The following ZNF705B variants were observed in gnomAD, a reference collection of about 807,000 sequenced individuals.
ZNF705B encodes the protein Putative zinc finger protein 705D-like protein LOC100132396.
ZNF705B carries 1 observed loss-of-function variant against 10.5 expected under a neutral mutation model. The ratio of observed to expected loss-of-function variants is 0.10; its 90% confidence interval spans 0.03 to 0.45. The LOEUF is 0.45. ZNF705B is among the 20% of genes least tolerant of loss of function. The pLI is 0.97. For missense variants in ZNF705B, 14 were observed against 84.0 expected, an observed-to-expected ratio of 0.17 and a Z score of 3.26; for synonymous variants, 4 against 25.4, an observed-to-expected ratio of 0.16 and a Z score of 2.53.
chr8:7,934,721 T>TGTGTGTGTGTGTGTGTGTGTG (rs1211087723), intron 2 of ZNF705B: 5 of 108,862 alleles, frequency 4.6e-5, no homozygotes, highest in African/African-American at 5.7e-5. Flanking sequence ...TGTGTGTGTG[T>TGTGTGTGTGTGTGTGTGTGTG]TATTTGATTT....
intron 2 of ZNF705B, among the ~76,000 whole-genome samples, chr8:7,931,118 G>T (rs1335693915): frequency 1.7e-5 from 2 of 121,116 alleles, no homozygotes; most frequent in African/African-American, 2.5e-5. Flanking sequence ...CTTCCAAAGT[G>T]CTAGGATTAC....
chr8:7,933,929 C>CTTTT (rs1162997944), intron 2 of ZNF705B, among the ~76,000 whole-genome samples: 12 of 29,364 alleles, frequency 4.1e-4, no homozygotes, highest in African/African-American at 8.6e-4. Context: ...GTAATATAAA[C>CTTTT]TTTTTTTTTT....
chr8:7,936,707 T>C (rs1171272213), intron 2 of ZNF705B, among the ~76,000 whole-genome samples: 2 of 117,632 alleles, frequency 1.7e-5, no homozygotes, highest in African/African-American at 5.2e-5. Flanking sequence ...ACAAGAGAGA[T>C]TGGGTCTTAC....
chr8:7,936,868 A>T (rs1281086353), intron 2 of ZNF705B, among the ~76,000 whole-genome samples: 1 of 119,634 alleles, frequency 8.4e-6, no homozygotes, highest in African/African-American at 2.6e-5. Context: ...TCTAAAATAA[A>T]GGTTGAAGTT....
intron 1 of ZNF705B, among the ~76,000 whole-genome samples, chr8:7,929,106 G>C (rs551726495): frequency 2.8e-4 from 34 of 121,546 alleles, no homozygotes; most frequent in African/African-American, 8.0e-4. Context: ...AAAGAAGAGA[G>C]AGAATTTAAC....
intron 2 of ZNF705B, among the ~76,000 whole-genome samples, chr8:7,932,193 G>A (rs1452227476): frequency 8.3e-6 from 1 of 121,152 alleles, no homozygotes; most frequent in African/African-American, 2.5e-5. Context: ...GTCCACAGTG[G>A]GAATATGGAC....
chr8:7,941,039 A>C (rs1253157506), intron 2 of ZNF705B, among the ~76,000 whole-genome samples: 1 of 149,422 alleles, frequency 6.7e-6, no homozygotes, highest in Admixed American at 6.7e-5. Context: ...TTATGGCTGC[A>C]TAGTATTCCA....
chr8:7,930,039 T>A (rs1819799001), intron 1 of ZNF705B, among the ~76,000 whole-genome samples: 2 of 104,628 alleles, frequency 1.9e-5, no homozygotes, highest in South Asian at 7.1e-4. Context: ...ATTTGTTACA[T>A]GGGAATATGG....
intron 1 of ZNF705B, among the ~76,000 whole-genome samples, chr8:7,927,605 G>A (rs1316560288): frequency 9.9e-6 from 1 of 100,972 alleles, no homozygotes; most frequent in Non-Finnish European, 2.4e-5. Context: ...TTTTTTTCCT[G>A]AGACAAACAG....
chr8:7,931,826 T>C (rs1819858345), intron 2 of ZNF705B, among the ~76,000 whole-genome samples: 1 of 127,928 alleles, frequency 7.8e-6, no homozygotes, highest in East Asian at 2.3e-4. Context: ...CACTGCCAGT[T>C]CCCTGGAGTG....
In ZNF705B at chr8:7,937,009, G is replaced by T. The variant is rs1490209334; in HGVS notation, c.-72+6573G>T. 2.5e-5 allele frequency among the ~76,000 whole-genome samples: 3 copies of T among 120,072 alleles called. 1 individual carries two copies. Among genetic ancestry groups the T allele is most frequent in the Non-Finnish European group, 6.0e-5 (3 of 50,378 alleles). The allele number at this position is 120,072 out of a possible 152,430, so 78.8% of individuals were successfully genotyped here. Reference sequence around the variant, plus strand: ...CATTTGTTCTTTGCTTGTAAACCTTGTGTATTGCATATTGTGGACACTATG... The same window carrying T: ...CATTTGTTCTTTGCTTGTAAACCTTTTGTATTGCATATTGTGGACACTATG... On this transcript the variant is annotated intron_variant, in intron 2 of 6. Transcript: ENST00000400120.
intron 2 of ZNF705B, among the ~76,000 whole-genome samples, chr8:7,935,972 G>A (rs1820003655): frequency 1.1e-5 from 1 of 91,682 alleles, no homozygotes; most frequent in Non-Finnish European, 2.8e-5. Flanking sequence ...GACCTGTCTT[G>A]TGATATGTGA....
At chr8:7,930,099 T>C (rs1368694139) in intron 1 of ZNF705B, among the ~76,000 whole-genome samples, 188 bp from the exon 2 acceptor site, 2 of 110,068 alleles carry the variant, frequency 1.8e-5, no homozygotes, top group Non-Finnish European at 4.3e-5. Context: ...GTACTGAACA[T>C]AGTACCAGAT....
At chr8:7,930,496 C>G (rs1306258172) in intron 2 of ZNF705B, 60 bp downstream of exon 2, 1 of 76,316 alleles carries the variant, frequency 1.3e-5, no homozygotes, top group Non-Finnish European at 3.2e-5. Context: ...TGACGTAGGC[C>G]AAATTGATTG....
Position 7,928,405 on chromosome 8 carries a change from G to C in ZNF705B, c.-221-1882G>C, listed in dbSNP as rs1340357998. Among the ~76,000 whole-genome samples, 4 of 120,976 alleles carry C rather than the reference G, an allele frequency of 3.3e-5. 1 individual carries two copies. The South Asian group carries it at 8.3e-4, about 25-fold the overall frequency. 79.4% of individuals were successfully genotyped at this position (120,976 alleles called of 152,430 possible). Reference sequence around the variant, plus strand: ...TGATTCTTTCATTCAAGTGTCATTTGTTTAAACAAATACGTGAGTACCTCG... The same window carrying C: ...TGATTCTTTCATTCAAGTGTCATTTCTTTAAACAAATACGTGAGTACCTCG... On this transcript the variant is annotated intron_variant, in intron 1 of 6. Transcript: ENST00000400120.
At chr8:7,936,315 C>T (rs35957899) in intron 2 of ZNF705B, among the ~76,000 whole-genome samples, 1 of 118,968 alleles carries the variant, frequency 8.4e-6, no homozygotes, top group East Asian at 2.4e-4. Flanking sequence ...TATTTTCAAA[C>T]CACTTTTCGA....
Position 7,936,847 on chromosome 8 carries a change from C to T in ZNF705B, c.-72+6411C>T, listed in dbSNP as rs573072855. On this transcript the variant is annotated intron_variant, in intron 2 of 6. Transcript: ENST00000400120. Reference sequence around the variant, plus strand: ...TATCCATGTAACAAATCTGCACATGCACTCCCTGAATCTAAAATAAAGGTT... The same window carrying T: ...TATCCATGTAACAAATCTGCACATGTACTCCCTGAATCTAAAATAAAGGTT... Among the ~76,000 whole-genome samples, 246 of 119,450 alleles carry T rather than the reference C, an allele frequency of 2.1e-3. 10 individuals carry two copies. Among genetic ancestry groups the T allele is most frequent in the African/African-American group, 5.8e-3 (226 of 38,914 alleles). 78.4% of individuals were successfully genotyped at this position (119,450 alleles called of 152,430 possible).
chr8:7,929,014 A>G (rs1279425729), intron 1 of ZNF705B, among the ~76,000 whole-genome samples: 3 of 119,582 alleles, frequency 2.5e-5, no homozygotes, highest in African/African-American at 7.6e-5. Flanking sequence ...TGACAGGTGT[A>G]CTAAAATCTC....
intron 2 of ZNF705B, among the ~76,000 whole-genome samples, chr8:7,935,264 G>A (rs1819978098): frequency 7.5e-6 from 1 of 132,968 alleles, no homozygotes; most frequent in African/African-American, 2.6e-5. Context: ...TTTTTCTCTA[G>A]AAACCATTGC....
Sources: allele counts gnomAD v4.1 joint callset (sites outside exome capture counted in the v4.1 genomes callset), GRCh38; gene constraint gnomAD v4.1.1; transcripts MANE v1.5; gene names NCBI Gene and HGNC (gene_info 2026-07-23, HGNC 2026-07-21).